The following GALNT2 variants were observed in gnomAD, a reference collection of about 807,000 sequenced individuals.
The protein encoded by GALNT2 is polypeptide N-acetylgalactosaminyltransferase 2.
Under a neutral mutation model 81.4 loss-of-function variants are expected in GALNT2, and 31 were observed. The ratio of observed to expected loss-of-function variants is 0.38; its 90% CI spans 0.29 to 0.51. The LOEUF (loss-of-function observed/expected upper bound fraction) is 0.51, where lower values mean the gene tolerates loss of function less well. Among genes scored for constraint, GALNT2 ranks in the 20% least tolerant of loss-of-function variants. The probability of loss-of-function intolerance (pLI) is 0.87; values close to 1 mark genes in which losing one functional copy is unlikely to be tolerated. For synonymous variants in GALNT2, 303 were observed against 287.4 expected (o/e 1.05, Z -0.55); for missense variants, 629 against 765.7 (o/e 0.82, Z 2.11).
chr1:230,164,476 C>A lies in GALNT2; in HGVS notation c.127-13742C>A, dbSNP rs114516561. 4.1e-3 allele frequency among the ~76,000 whole-genome samples: 619 copies of A among 151,576 alleles called. 6 individuals carry two copies. The highest frequency in any genetic ancestry group is 0.014 in the African/African-American group (588 of 41,266). ...GAGATGAGCCTCTCAGCAGGCTTGG[C>A]GGACTGCATCCGATCATGTGATCTC... On this transcript the variant is annotated intron_variant, in intron 1 of 15. Transcript: ENST00000366672.
At chr1:230,166,941 G>A (rs113947053) in intron 1 of GALNT2, among the ~76,000 whole-genome samples, 1 of 152,238 alleles carries the variant, frequency 6.6e-6, no homozygotes, top group East Asian at 1.9e-4. Flanking sequence ...CTCACACTTG[G>A]GTTGGCTGTA....
chr1:230,259,985 C>T (rs1304933271), intron 11 of GALNT2, among the ~76,000 whole-genome samples: 2 of 152,138 alleles, frequency 1.3e-5, no homozygotes, highest in African/African-American at 4.8e-5. Flanking sequence ...TCTGCCTATG[C>T]CCAGGAGTGA....
chr1:230,221,852 A>T (rs749569507), intron 3 of GALNT2, among the ~76,000 whole-genome samples: 1 of 151,976 alleles, frequency 6.6e-6, no homozygotes, highest in Non-Finnish European at 1.5e-5. Flanking sequence ...TGGATTTTCA[A>T]ATTTATTGGC....
At position 230,158,857 on chromosome 1, in the gene GALNT2, G is replaced by A. The variant is rs912958236; in HGVS notation, c.127-19361G>A. 3.3e-5 allele frequency among the ~76,000 whole-genome samples: 5 copies of A among 152,186 alleles called. No individual in the cohort carries two copies. The East Asian group carries it at 7.7e-4, about 23-fold the overall frequency. On this transcript the variant is annotated intron_variant, in intron 1 of 15. Coordinates refer to ENST00000366672, the MANE Select transcript of GALNT2 (RefSeq NM_004481.5). ...GAATGCCATCTGAAAGGCTTTGTTC[G>A]TTTGCACACGAGGTCGTGAATAGCT...
intron 15 of GALNT2, among the ~76,000 whole-genome samples, chr1:230,274,972 A>G (rs183080057): frequency 0.018 from 2,726 of 151,660 alleles, 29 homozygotes; most frequent in African/African-American, 0.037. Context: ...CACACCACAT[A>G]TATATACATG....
At chr1:230,263,561 A>C (rs41271491) in intron 13 of GALNT2, 5,858 of 152,798 alleles carry the variant, frequency 0.038, 331 homozygotes, top group East Asian at 0.22. Flanking sequence ...CGGAGGATTC[A>C]TGGCAGAAAC....
chr1:230,110,714 G>GTTTT (rs113630188), intron 1 of GALNT2, among the ~76,000 whole-genome samples: 7,463 of 137,500 alleles, frequency 0.054, 378 homozygotes, highest in Admixed American at 0.11. Context: ...GTGCTTTTCT[G>GTTTT]TTTTTTTTTT....
chr1:230,076,862 C>A (rs1179700639), intron 1 of GALNT2, among the ~76,000 whole-genome samples: 3 of 152,118 alleles, frequency 2.0e-5, no homozygotes, highest in African/African-American at 7.2e-5. Flanking sequence ...TTTGAGAGGC[C>A]TTCACATTCA....
At chr1:230,217,688 G>T (rs1005487216) in intron 3 of GALNT2, among the ~76,000 whole-genome samples, 1 of 152,200 alleles carries the variant, frequency 6.6e-6, no homozygotes, top group African/African-American at 2.4e-5. Flanking sequence ...GTGAGAATCT[G>T]GTTTCTGCTT....
Position 230,271,623 on chromosome 1 carries a change from A to G in GALNT2, c.1441-2822A>G, listed in dbSNP as rs752661752. 5.9e-5 allele frequency among the ~76,000 whole-genome samples: 9 copies of G among 152,380 alleles called. No individual in the cohort carries two copies. Among genetic ancestry groups the G allele is most frequent in the Non-Finnish European group, 1.0e-4 (7 of 68,042 alleles). On this transcript the variant is annotated intron_variant, in intron 14 of 15. Transcript: ENST00000366672. The surrounding 1 kb of genome is among the most constrained non-coding windows in gnomAD (Gnocchi z 4.2). Reference sequence around the variant, plus strand: ...CCTCGCCTTGAATTCATTCATTTGCAAGAATAGTTCATAGAACTCAGGAAA... The same window carrying G: ...CCTCGCCTTGAATTCATTCATTTGCGAGAATAGTTCATAGAACTCAGGAAA...
chr1:230,207,460 AT>A (rs1664097778), intron 3 of GALNT2, among the ~76,000 whole-genome samples: 1 of 152,228 alleles, frequency 6.6e-6, no homozygotes, highest in Non-Finnish European at 1.5e-5. Flanking sequence ...TTCTAGATGT[AT>A]ATATTGTACC....
At chr1:230,130,542 T>C (rs1661335111) in intron 1 of GALNT2, among the ~76,000 whole-genome samples, 1 of 152,182 alleles carries the variant, frequency 6.6e-6, no homozygotes. Flanking sequence ...TGGGGTTTAC[T>C]AGGGAGTCAG....
chr1:230,067,977 G>A (rs1659251622), intron 1 of GALNT2, among the ~76,000 whole-genome samples: 1 of 152,138 alleles, frequency 6.6e-6, no homozygotes, highest in African/African-American at 2.4e-5. Context: ...TAAAGCCCCA[G>A]GGCCCGTGCG....
At chr1:230,202,099 A>G (rs1451544155) in intron 2 of GALNT2, among the ~76,000 whole-genome samples, 2 of 152,158 alleles carry the variant, frequency 1.3e-5, no homozygotes, top group Non-Finnish European at 2.9e-5. Context: ...CTATTTACTT[A>G]TTTTGTAGGA....
chr1:230,107,610 TTG>T (rs3033608), intron 1 of GALNT2, among the ~76,000 whole-genome samples: 17,484 of 140,880 alleles, frequency 0.12, 1,273 homozygotes, highest in African/African-American at 0.22. Context: ...CTCATGGACT[TTG>T]TGTGTGTGTG....
rs368170074 is a variant in GALNT2 at position 230,154,318 on chromosome 1, A to G, written c.127-23900A>G. 4.5e-4 allele frequency among the ~76,000 whole-genome samples: 69 copies of G among 152,328 alleles called. No homozygotes were observed. In the East Asian group the frequency reaches 0.011, roughly 24 times the overall value. ...AAAAGAAACCCCGGCCCTTTAGCTCATCACCCTCTGCTCTGGCTTTCCCCG... is the reference window on the plus strand; with the variant it reads ...AAAAGAAACCCCGGCCCTTTAGCTCGTCACCCTCTGCTCTGGCTTTCCCCG... On this transcript the variant is annotated intron_variant, in intron 1 of 15. Coordinates refer to ENST00000366672, the MANE Select transcript of GALNT2 (RefSeq NM_004481.5).
intron 1 of GALNT2, among the ~76,000 whole-genome samples, chr1:230,089,816 A>C (rs1660009542): frequency 6.6e-6 from 1 of 152,256 alleles, no homozygotes; most frequent in Non-Finnish European, 1.5e-5. Flanking sequence ...TACGCTGCTA[A>C]CACGTGCAAC....
chr1:230,150,613 TTTTG>T (rs1416628130), intron 1 of GALNT2, among the ~76,000 whole-genome samples: 2 of 152,210 alleles, frequency 1.3e-5, no homozygotes, highest in Non-Finnish European at 1.5e-5. Flanking sequence ...AGCATTTTTG[TTTTG>T]TTTGTTTGTT....
intron 1 of GALNT2, among the ~76,000 whole-genome samples, chr1:230,137,069 G>A (rs1661572038): frequency 6.6e-6 from 1 of 152,228 alleles, no homozygotes; most frequent in Non-Finnish European, 1.5e-5. Context: ...TCCTGCTGGA[G>A]CTCCTGTTTT....
Sources: allele counts gnomAD v4.1 joint callset (sites outside exome capture counted in the v4.1 genomes callset), GRCh38; gene constraint gnomAD v4.1.1; non-coding constraint Gnocchi (gnomAD v3.1); transcripts MANE v1.5; gene names NCBI Gene and HGNC (gene_info 2026-07-23, HGNC 2026-07-21).